Variants in CAST observed in about 807,000 individuals in gnomAD.
CAST encodes MIR583 host.
Under a neutral mutation model 119.6 loss-of-function variants are expected in CAST, and 76 were observed. That is an observed-to-expected ratio of 0.64 (90% CI 0.53 to 0.77). The LOEUF (loss-of-function observed/expected upper bound fraction) is 0.77, where lower values mean the gene tolerates loss of function less well. Ranked by LOEUF, CAST falls within the 30% of genes least tolerant of loss-of-function variation. CAST has a pLI of 0.00. For missense variants in CAST, 953 were observed against 946.5 expected, an observed-to-expected ratio of 1.01 and a Z score of -0.09; for synonymous variants, 319 against 331.6, an observed-to-expected ratio of 0.96 and a Z score of 0.41.
At chr5:96,186,139 T>C in the CAST span, among the ~76,000 whole-genome samples, 1 of 152,200 alleles carries the variant, frequency 6.6e-6, no homozygotes, top group African/African-American at 2.4e-5. Flanking sequence ...ATTCATGATT[T>C]GGCTTTCTGC....
chr5:96,494,118 G>A, the CAST span, among the ~76,000 whole-genome samples: 2 of 152,138 alleles, frequency 1.3e-5, no homozygotes, highest in Non-Finnish European at 2.9e-5. Flanking sequence ...AGAAGAGTTG[G>A]GGATAGCCCA....
At chr5:96,401,941 A>G in the CAST span, among the ~76,000 whole-genome samples, 1 of 152,236 alleles carries the variant, frequency 6.6e-6, no homozygotes, top group African/African-American at 2.4e-5. Context: ...GCTCCTAGTC[A>G]TCAGTCAGAT....
At chr5:96,478,298 T>A in the CAST span, among the ~76,000 whole-genome samples, 2 of 152,272 alleles carry the variant, frequency 1.3e-5, no homozygotes, top group Admixed American at 1.3e-4. Flanking sequence ...CTTATAGGAT[T>A]AAAAATAAGT....
the CAST span, among the ~76,000 whole-genome samples, chr5:96,514,418 C>T: frequency 6.6e-6 from 1 of 152,016 alleles, no homozygotes; most frequent in African/African-American, 2.4e-5. Context: ...ACAGTGCCTG[C>T]CCAAGTATTT....
chr5:96,438,393 A>G, the CAST span, among the ~76,000 whole-genome samples: 1 of 152,016 alleles, frequency 6.6e-6, no homozygotes, highest in African/African-American at 2.4e-5. Flanking sequence ...AGACCTTTAT[A>G]TTTTTCCAAC....
At position 96,750,829 on chromosome 5, in the gene CAST, T is replaced by C. The variant is rs149298125; in HGVS notation, c.1524+147T>C. On this transcript the variant is annotated intron_variant, in intron 20 of 31. Coordinates refer to ENST00000675179, the MANE Select transcript of CAST (RefSeq NM_001750.7). ...TATCATTATAGTATCTGTTGTTTCT[T>C]TGGGCTTCAGGGGTGTCGTAGAAAT... is the stretch of plus-strand genomic sequence containing the variant. The C allele has an allele frequency of 2.2e-4, 107 of 481,804 alleles. 1 individual carries two copies. The East Asian group carries it at 3.5e-3, about 16-fold the overall frequency. The allele number at this position is 481,804 out of a possible 1,614,324, so 29.8% of individuals were successfully genotyped here.
the CAST span, among the ~76,000 whole-genome samples, chr5:96,345,622 G>C: frequency 3.3e-5 from 5 of 152,082 alleles, no homozygotes; most frequent in Non-Finnish European, 7.4e-5. Flanking sequence ...ACTGGCTCAG[G>C]GTCTCATGAA....
the CAST span, among the ~76,000 whole-genome samples, chr5:96,127,246 A>T: frequency 1.1e-4 from 17 of 152,082 alleles, no homozygotes; most frequent in Non-Finnish European, 2.5e-4. Flanking sequence ...TACAAATTAC[A>T]ATTTTTGTGA....
At chr5:96,644,988 C>T (rs1409642312) in intron 1 of CAST, among the ~76,000 whole-genome samples, 1 of 152,144 alleles carries the variant, frequency 6.6e-6, no homozygotes, top group Non-Finnish European at 1.5e-5. Flanking sequence ...AACAAACAAA[C>T]AAATAAAACC....
the CAST span, among the ~76,000 whole-genome samples, chr5:96,288,980 G>A: frequency 6.6e-6 from 1 of 151,840 alleles, no homozygotes; most frequent in Non-Finnish European, 1.5e-5. Context: ...GAGCAATTTT[G>A]CAATCAATAG....
At chr5:96,318,942 AGT>A in the CAST span, 1 of 152,218 alleles carries the variant, frequency 6.6e-6, no homozygotes, top group African/African-American at 2.4e-5. Context: ...CCTATGAGGT[AGT>A]GTGTTAGTAC....
chr5:96,258,598 C>A, the CAST span, among the ~76,000 whole-genome samples: 1 of 152,134 alleles, frequency 6.6e-6, no homozygotes, highest in Non-Finnish European at 1.5e-5. Context: ...ACCCACCCCC[C>A]ACCATGTTTC....
At chr5:96,177,465 A>G in the CAST span, among the ~76,000 whole-genome samples, 16 of 152,304 alleles carry the variant, frequency 1.1e-4, no homozygotes, top group African/African-American at 3.8e-4. Context: ...AGCATGAATT[A>G]CTGCATTTTC....
chr5:96,185,803 T>C, the CAST span, among the ~76,000 whole-genome samples: 1 of 152,182 alleles, frequency 6.6e-6, no homozygotes, highest in African/African-American at 2.4e-5. Flanking sequence ...GATTTGTTCT[T>C]TTTGCTTAGG....
intron 1 of CAST, among the ~76,000 whole-genome samples, chr5:96,544,651 T>C (rs1369277753): frequency 6.6e-6 from 1 of 151,830 alleles, no homozygotes; most frequent in African/African-American, 2.4e-5. Flanking sequence ...GAGATAAAAA[T>C]TGAATAATAT....
At chr5:96,648,747 G>A (rs1205293106) in intron 1 of CAST, among the ~76,000 whole-genome samples, 1 of 132,180 alleles carries the variant, frequency 7.6e-6, no homozygotes, top group Non-Finnish European at 1.7e-5. Context: ...TGTGTGTGGT[G>A]TAATAAGACA....
At chr5:96,659,274 A>C (rs1482580369), upstream of CAST, among the ~76,000 whole-genome samples, 3 of 152,238 alleles carry the variant, frequency 2.0e-5, no homozygotes. Flanking sequence ...GTGCTGACAG[A>C]CATGCTCGAG....
intron 2 of CAST, among the ~76,000 whole-genome samples, chr5:96,683,998 C>CG (rs1751753060): frequency 6.6e-6 from 1 of 152,196 alleles, no homozygotes; most frequent in Admixed American, 6.5e-5. Context: ...ACTCACAACT[C>CG]AGTTAACCTG....
intron 1 of CAST, among the ~76,000 whole-genome samples, chr5:96,553,559 A>G (rs1746176370): frequency 6.6e-6 from 1 of 152,218 alleles, no homozygotes; most frequent in African/African-American, 2.4e-5. Context: ...GGCCAGGGCA[A>G]TCAGGCAAGA....
Sources: gnomAD v4.1 joint callset for allele counts (sites outside exome capture counted in the v4.1 genomes callset) on GRCh38, gnomAD v4.1.1 for gene constraint, MANE v1.5 for transcripts, NCBI Gene and HGNC (gene_info 2026-07-23, HGNC 2026-07-21) for gene names.